TLN2: variants seen among roughly 807,000 people sequenced by gnomAD.
TLN2 encodes the protein talin-2.
A neutral mutation model predicts 294.7 loss-of-function variants in TLN2; 118 were observed. The observed-to-expected ratio is 0.40, with a 90% CI of 0.34 to 0.47. TLN2 has a LOEUF of 0.47. TLN2 is among the 20% of genes least tolerant of loss of function. The pLI, the probability that TLN2 is intolerant of heterozygous loss-of-function variation, is 0.84. For synonymous variants in TLN2, 1,431 were observed against 1,304.5 expected, an observed-to-expected ratio of 1.10 and a Z score of -2.09; for missense variants, 3,083 against 3,282.2, an observed-to-expected ratio of 0.94 and a Z score of 1.48.
chr15:62,781,864 C>T (rs969830708), intron 44 of TLN2, among the ~76,000 whole-genome samples: 1 of 152,092 alleles, frequency 6.6e-6, no homozygotes, highest in Non-Finnish European at 1.5e-5. Flanking sequence ...TGTAATGCAA[C>T]TAGAACTGTA....
At chr15:62,561,425 C>G (rs2042949343) in intron 1 of TLN2, 1 of 152,256 alleles carries the variant, frequency 6.6e-6, no homozygotes, top group South Asian at 2.1e-4. Flanking sequence ...GCTGAGGGCC[C>G]TATGCGGAAT....
rs1007756346 is a variant in TLN2 at position 62,727,076 on chromosome 15, T to C, written c.3256-11T>C. On this transcript the variant is annotated splice_polypyrimidine_tract_variant and intron_variant, in intron 27 of 58. Coordinates refer to ENST00000636159, the MANE Select transcript of TLN2 (RefSeq NM_015059.3). Reference sequence around the variant, plus strand: ...CTTCTACGTTCTTTCCCTCCTTGAATATTCTTGTAGCTGGAAAAATGTGCT... The same window carrying C: ...CTTCTACGTTCTTTCCCTCCTTGAACATTCTTGTAGCTGGAAAAATGTGCT... 1.9e-6 allele frequency: 3 copies of C among 1,613,446 alleles called. No homozygotes were observed. The African/African-American group carries it at 4.0e-5, about 22-fold the overall frequency.
At chr15:62,740,487 T>G (rs2061265861) in intron 31 of TLN2, 143 bp from the exon 32 acceptor site, 1 of 1,000,964 alleles carries the variant, frequency 1.0e-6, no homozygotes, top group Admixed American at 2.2e-5. Flanking sequence ...TCTCAACGAG[T>G]TAGGCATCTG....
intron 13 of TLN2, 79 bp from the exon 14 acceptor site, chr15:62,694,237 A>G (rs2058158900): frequency 3.0e-6 from 4 of 1,343,654 alleles, no homozygotes; most frequent in Non-Finnish European, 4.3e-6. Flanking sequence ...TCAGCCTCCC[A>G]AAGTGCTGGG....
chr15:62,590,528 C>T (rs553608358), intron 2 of TLN2, among the ~76,000 whole-genome samples: 26 of 152,242 alleles, frequency 1.7e-4, no homozygotes, highest in South Asian at 4.1e-4. Context: ...TCGTATCCCA[C>T]GGTGTATATG....
At chr15:62,719,090 C>G (rs529825693) in intron 24 of TLN2, among the ~76,000 whole-genome samples, 1 of 152,264 alleles carries the variant, frequency 6.6e-6, no homozygotes, top group African/African-American at 2.4e-5. Flanking sequence ...GCCTCATTAA[C>G]CAGAGAAGGA....
chr15:62,643,843 C>A (rs74934048), intron 3 of TLN2, among the ~76,000 whole-genome samples: 3,803 of 152,154 alleles, frequency 0.025, 157 homozygotes, highest in African/African-American at 0.084. Flanking sequence ...TAGACCCGGG[C>A]AGCCATGTGC....
At chr15:62,698,516 A>T (rs1033158640) in intron 15 of TLN2, among the ~76,000 whole-genome samples, 1 of 152,176 alleles carries the variant, frequency 6.6e-6, no homozygotes, top group African/African-American at 2.4e-5. Flanking sequence ...TAAGCTCTTC[A>T]CACACTTCTG....
At chr15:62,739,957 A>G (rs879501081) in intron 31 of TLN2, among the ~76,000 whole-genome samples, 13 of 152,054 alleles carry the variant, frequency 8.5e-5, no homozygotes, top group Admixed American at 4.6e-4. Context: ...AGTGATTAAA[A>G]ATTACCTCCT....
At chr15:62,498,153 CAAAAAAAAAA>C (rs538951284) in intron 1 of TLN2, among the ~76,000 whole-genome samples, 47 of 93,410 alleles carry the variant, frequency 5.0e-4, no homozygotes, top group East Asian at 4.8e-3. Flanking sequence ...GACCCTGCCT[CAAAAAAAAAA>C]AAAAAAAAAA....
At chr15:62,566,306 TG>T (rs889862863) in intron 1 of TLN2, among the ~76,000 whole-genome samples, 31 of 152,220 alleles carry the variant, frequency 2.0e-4, no homozygotes, top group Non-Finnish European at 4.4e-4. Flanking sequence ...TGAACATTTT[TG>T]GTGTGCCAGA....
At chr15:62,806,527 G>A (rs776081005) in intron 51 of TLN2, among the ~76,000 whole-genome samples, 4 of 152,208 alleles carry the variant, frequency 2.6e-5, no homozygotes, top group African/African-American at 7.2e-5. Context: ...TGAGTTGGAG[G>A]AATATAGCAG....
rs367597487 is a variant in TLN2 at position 62,545,458 on chromosome 15, C to T, written c.-237-44229C>T. Among the ~76,000 whole-genome samples, 8 of 151,850 alleles carry T rather than the reference C, an allele frequency of 5.3e-5. No homozygotes were observed. In the East Asian group the frequency reaches 9.6e-4, roughly 18 times the overall value. On this transcript the variant is annotated intron_variant, in intron 1 of 58. Coordinates refer to ENST00000636159, the MANE Select transcript of TLN2 (RefSeq NM_015059.3). ...GGCAACATTTCCAGTGAGGCAGCATCTTTTTAACCTTGCATTTGCATAGTG... is the reference window on the plus strand; with the variant it reads ...GGCAACATTTCCAGTGAGGCAGCATTTTTTTAACCTTGCATTTGCATAGTG...
At chr15:62,452,050 G>T (rs570417720) in intron 1 of TLN2, among the ~76,000 whole-genome samples, 1 of 152,120 alleles carries the variant, frequency 6.6e-6, no homozygotes, top group Non-Finnish European at 1.5e-5. Context: ...CTTTCCTGTC[G>T]CCTGTGGAGA....
At chr15:62,457,031 C>T (rs932453107) in intron 1 of TLN2, among the ~76,000 whole-genome samples, 5 of 152,170 alleles carry the variant, frequency 3.3e-5, no homozygotes, top group Admixed American at 6.5e-5. Flanking sequence ...TTGCCTGTGG[C>T]CCTGTCTACC....
intron 2 of TLN2, among the ~76,000 whole-genome samples, chr15:62,615,293 C>T (rs1475443803): frequency 6.6e-6 from 1 of 152,184 alleles, no homozygotes; most frequent in Non-Finnish European, 1.5e-5. Flanking sequence ...TTCATAGGAA[C>T]AGCAACTCTT....
chr15:62,589,809 C>G (rs2045940758), intron 2 of TLN2, 47 bp downstream of exon 2: 1 of 152,086 alleles, frequency 6.6e-6, no homozygotes, highest in Admixed American at 6.5e-5. Context: ...TTGGCCAATC[C>G]CCTGCATTGG....
chr15:62,725,139 C>T (rs371740063), intron 27 of TLN2, 35 bp downstream of exon 27: 45 of 1,581,204 alleles, frequency 2.8e-5, no homozygotes, highest in East Asian at 1.4e-4. Flanking sequence ...TGCGGGTGTA[C>T]CTTTTGTTAT....
chr15:62,475,293 A>G (rs1453922523), intron 1 of TLN2, among the ~76,000 whole-genome samples: 1 of 152,222 alleles, frequency 6.6e-6, no homozygotes, highest in Non-Finnish European at 1.5e-5. Flanking sequence ...TTCTGTTCCA[A>G]AAGTGTAACA....
Sources: allele counts gnomAD v4.1 joint callset (sites outside exome capture counted in the v4.1 genomes callset), GRCh38; gene constraint gnomAD v4.1.1; transcripts MANE v1.5; gene names NCBI Gene and HGNC (gene_info 2026-07-23, HGNC 2026-07-21).